Variants in NEK11 observed in about 807,000 individuals in gnomAD.
NEK11 encodes NIMA related kinase 11, also known as serine/threonine-protein kinase Nek11.
NEK11 carries 72 observed loss-of-function variants against 80.7 expected under a neutral mutation model. The observed-to-expected ratio is 0.89, with a 90% CI of 0.74 to 1.08. NEK11 has a LOEUF of 1.08. NEK11 is among the 50% of genes least tolerant of loss of function. NEK11 has a pLI of 0.00. For synonymous variants in NEK11, 251 were observed against 260.7 expected, an observed-to-expected ratio of 0.96 and a Z score of 0.36; for missense variants, 764 against 763.6, an observed-to-expected ratio of 1.00 and a Z score of -0.01.
chr3:131,137,801 G>C (rs2085912100), intron 7 of NEK11, among the ~76,000 whole-genome samples: 1 of 152,148 alleles, frequency 6.6e-6, no homozygotes, highest in Non-Finnish European at 1.5e-5. Flanking sequence ...AGTGCAAGAT[G>C]GCTGAATAAG....
chr3:131,170,970 G>T, intron 14 of NEK11, 83 bp downstream of exon 14: 1 of 930,346 alleles, frequency 1.1e-6, no homozygotes. Flanking sequence ...GGGTCTGTCT[G>T]GCCTCTGGGA....
chr3:131,344,935 T>C (rs540190721), intron 17 of NEK11, among the ~76,000 whole-genome samples: 1 of 152,320 alleles, frequency 6.6e-6, no homozygotes, highest in East Asian at 1.9e-4. Context: ...CAACATGAGA[T>C]TTGCACAGGG....
chr3:131,044,065 G>A (rs1245206514), intron 3 of NEK11, among the ~76,000 whole-genome samples: 1 of 151,914 alleles, frequency 6.6e-6, no homozygotes, highest in East Asian at 1.9e-4. Context: ...AGCAAATACT[G>A]AGGATTTTGC....
chr3:131,115,902 TTTTCTTTCTTTC>T (rs201604189), intron 5 of NEK11, among the ~76,000 whole-genome samples: 3,060 of 70,214 alleles, frequency 0.044, 150 homozygotes, highest in Admixed American at 0.054. Flanking sequence ...AAAGGTAGTG[TTTTCTTTCTTTC>T]TTTCTTTCTT....
chr3:131,301,107 T>C (rs1185890037), intron 17 of NEK11, among the ~76,000 whole-genome samples: 1 of 152,200 alleles, frequency 6.6e-6, no homozygotes. Context: ...CCTGGTTAAC[T>C]ATATTCCCAG....
chr3:131,158,033 G>A (rs1486959019), intron 10 of NEK11, among the ~76,000 whole-genome samples: 2 of 152,078 alleles, frequency 1.3e-5, no homozygotes, highest in South Asian at 2.1e-4. Context: ...TTAGACCCAG[G>A]GGAACTGTCA....
At chr3:131,223,204 A>G (rs2095080602) in intron 14 of NEK11, among the ~76,000 whole-genome samples, 1 of 152,204 alleles carries the variant, frequency 6.6e-6, no homozygotes, top group African/African-American at 2.4e-5. Context: ...TATGAAAAAC[A>G]TGAGGCGTGA....
intron 7 of NEK11, chr3:131,134,221 T>G (rs1003170062): frequency 2.7e-5 from 8 of 291,824 alleles, no homozygotes; most frequent in African/African-American, 4.3e-5. Flanking sequence ...TAATGTACCA[T>G]AAGCATTAAA....
At chr3:131,118,781 T>C (rs1230472542) in intron 5 of NEK11, among the ~76,000 whole-genome samples, 1 of 152,240 alleles carries the variant, frequency 6.6e-6, no homozygotes, top group Non-Finnish European at 1.5e-5. Context: ...TAGTATTCTC[T>C]GATGGTAGTT....
intron 4 of NEK11, 181 bp from the exon 5 acceptor site, chr3:131,109,622 C>T: frequency 1.7e-6 from 1 of 583,086 alleles, no homozygotes; most frequent in South Asian, 2.6e-5. Context: ...TGAGGCCGAG[C>T]TGAGAAGAGT....
chr3:131,272,166 T>G (rs1299919930), intron 16 of NEK11, among the ~76,000 whole-genome samples: 1 of 152,176 alleles, frequency 6.6e-6, no homozygotes, highest in African/African-American at 2.4e-5. Flanking sequence ...CTTCTTTACT[T>G]GGTCCCTAAG....
At chr3:131,154,541 A>T (rs753604917) in intron 9 of NEK11, among the ~76,000 whole-genome samples, 2 of 152,138 alleles carry the variant, frequency 1.3e-5, no homozygotes, top group Non-Finnish European at 2.9e-5. Flanking sequence ...CCTATCTTTA[A>T]AGTTTTGCTA....
At chr3:131,317,761 CAAGAAG>C (rs1315817692) in intron 17 of NEK11, among the ~76,000 whole-genome samples, 3 of 40,068 alleles carry the variant, frequency 7.5e-5, no homozygotes, top group African/African-American at 2.1e-4. Flanking sequence ...TACCCCCACC[CAAGAAG>C]AAGGAGAAGG....
chr3:131,092,464 G>C (rs149303549), intron 4 of NEK11, among the ~76,000 whole-genome samples: 1 of 152,108 alleles, frequency 6.6e-6, no homozygotes, highest in African/African-American at 2.4e-5. Context: ...AGCCAGAAGA[G>C]GAATCTACTT....
chr3:131,087,723 T>C (rs1354516510), intron 4 of NEK11, among the ~76,000 whole-genome samples: 2 of 152,198 alleles, frequency 1.3e-5, no homozygotes, highest in Non-Finnish European at 2.9e-5. Context: ...TGCGTGTCAA[T>C]AGACTATTAG....
chr3:131,173,644 A>G (rs1028762081), intron 14 of NEK11, among the ~76,000 whole-genome samples: 1 of 151,562 alleles, frequency 6.6e-6, no homozygotes, highest in Non-Finnish European at 1.5e-5. Flanking sequence ...AAACAGAAAA[A>G]CATGTCAAAG....
At chr3:131,137,147 G>A (rs925778) in intron 7 of NEK11, among the ~76,000 whole-genome samples, 65,580 of 151,878 alleles carry the variant, frequency 0.43, 16,752 homozygotes, top group Middle Eastern at 0.66. Context: ...TGTGGAGGTT[G>A]GTTGGGTGGG....
intron 17 of NEK11, among the ~76,000 whole-genome samples, chr3:131,343,359 T>C (rs2097314131): frequency 6.6e-6 from 1 of 152,152 alleles, no homozygotes; most frequent in African/African-American, 2.4e-5. Context: ...GGAGGATCCC[T>C]TAATTAGGCA....
chr3:131,053,972 C>T (rs546763140), intron 3 of NEK11, among the ~76,000 whole-genome samples: 143 of 152,358 alleles, frequency 9.4e-4, no homozygotes, highest in Middle Eastern at 3.4e-3. Context: ...ATGGGACACA[C>T]ATTTAAAGTT....
Sources: allele counts gnomAD v4.1 joint callset (sites outside exome capture counted in the v4.1 genomes callset), GRCh38; gene constraint gnomAD v4.1.1; transcripts MANE v1.5; gene names NCBI Gene and HGNC (gene_info 2026-07-23, HGNC 2026-07-21).